Variants in UBAC2 observed in about 807,000 individuals in gnomAD.
The protein encoded by UBAC2 is UBA domain containing 2, also known as ubiquitin-associated domain-containing protein 2.
UBAC2 carries 26 observed loss-of-function variants against 44.0 expected under a neutral mutation model. That is an observed-to-expected ratio of 0.59 (90% CI 0.43 to 0.82). The LOEUF (loss-of-function observed/expected upper bound fraction) is 0.82. Ranked by LOEUF, UBAC2 falls within the 40% of genes least tolerant of loss-of-function variation. The pLI, the probability that UBAC2 is intolerant of heterozygous loss-of-function variation, is 0.00. For missense variants in UBAC2, 329 were observed against 419.4 expected (o/e 0.78, Z 1.88); for synonymous variants, 155 against 154.3 (o/e 1.00, Z -0.04).
intron 7 of UBAC2, among the ~76,000 whole-genome samples, chr13:99,343,385 T>G (rs2138837893): frequency 6.7e-6 from 1 of 150,170 alleles, no homozygotes; most frequent in African/African-American, 2.4e-5. Context: ...TCCCCCCAGA[T>G]ACTTGGAACA....
chr13:99,346,292 C>T (rs1322595168), intron 7 of UBAC2, among the ~76,000 whole-genome samples: 29 of 152,192 alleles, frequency 1.9e-4, no homozygotes, highest in Admixed American at 1.8e-3. Context: ...TCTTCCCTCC[C>T]ATCTCCATCA....
chr13:99,204,708 C>T (rs2042847226), intron 1 of UBAC2, among the ~76,000 whole-genome samples: 1 of 151,964 alleles, frequency 6.6e-6, no homozygotes, highest in African/African-American at 2.4e-5. Flanking sequence ...CCCCCCAGAA[C>T]CTTTCCAGAA....
chr13:99,255,182 T>A (rs369995186), intron 4 of UBAC2: 2 of 1,614,144 alleles, frequency 1.2e-6, no homozygotes. Context: ...ATGATCCTTA[T>A]GGACTTCTCC....
At chr13:99,264,383 G>A (rs1364869128) in intron 4 of UBAC2, among the ~76,000 whole-genome samples, 2 of 152,214 alleles carry the variant, frequency 1.3e-5, no homozygotes, top group East Asian at 3.8e-4. Context: ...GGATTTTCTG[G>A]CATGCTGTAC....
intron 7 of UBAC2, among the ~76,000 whole-genome samples, chr13:99,354,243 G>A (rs2045141982): frequency 6.6e-6 from 1 of 152,212 alleles, no homozygotes; most frequent in Non-Finnish European, 1.5e-5. Flanking sequence ...TGAGCAGTGT[G>A]AGCCGGGTGA....
chr13:99,203,023 T>TTTTATTTTA (rs1555317917), intron 1 of UBAC2, among the ~76,000 whole-genome samples: 3 of 146,522 alleles, frequency 2.0e-5, no homozygotes, highest in East Asian at 2.0e-4. Flanking sequence ...CTTTGTTTTA[T>TTTTATTTTA]TTTATTTATT....
intron 2 of UBAC2, among the ~76,000 whole-genome samples, chr13:99,240,710 C>T (rs777382001): frequency 6.6e-6 from 1 of 152,092 alleles, no homozygotes. Flanking sequence ...ACTGTTTCTC[C>T]TTGAGCCCAG....
At chr13:99,233,111 GT>G in intron 1 of UBAC2, among the ~76,000 whole-genome samples, 1 of 150,766 alleles carries the variant, frequency 6.6e-6, no homozygotes, top group Non-Finnish European at 1.5e-5. Context: ...CCCAGATTTG[GT>G]TTCTTTTTTT....
At chr13:99,346,338 C>G (rs1185504658) in intron 7 of UBAC2, among the ~76,000 whole-genome samples, 1 of 152,188 alleles carries the variant, frequency 6.6e-6, no homozygotes, top group Non-Finnish European at 1.5e-5. Context: ...CCCACAGCCT[C>G]CACCAGTGAT....
chr13:99,213,284 A>T (rs1238957671), intron 1 of UBAC2, among the ~76,000 whole-genome samples: 2 of 151,882 alleles, frequency 1.3e-5, no homozygotes, highest in African/African-American at 4.8e-5. Flanking sequence ...CGAACTCCTA[A>T]CCTCAGGTGA....
intron 6 of UBAC2, among the ~76,000 whole-genome samples, chr13:99,328,707 T>C (rs1298285988): frequency 6.6e-6 from 1 of 152,242 alleles, no homozygotes; most frequent in Non-Finnish European, 1.5e-5. Flanking sequence ...TCTAACTGAC[T>C]TAAAATAATT....
In UBAC2 at chr13:99,386,035, C is replaced by T. The variant is rs962905425; in HGVS notation, c.*700C>T. ...GATGGAGAAGAACAACAGCAGGCTT[C>T]CTGGAGCCACATGGGCTGACTAGGG... On this transcript the variant is annotated 3_prime_UTR_variant, in exon 9 of 9. Transcript: ENST00000403766. 1 of 152,358 alleles carries T rather than the reference C, an allele frequency of 6.6e-6. No homozygotes were observed. Among genetic ancestry groups the T allele is most frequent in the African/African-American group, 2.4e-5 (1 of 41,452 alleles). The allele number at this position is 152,358 out of a possible 1,614,324, so 9.4% of individuals were successfully genotyped here.
intron 1 of UBAC2, among the ~76,000 whole-genome samples, chr13:99,231,227 T>C (rs1267977543): frequency 6.6e-6 from 1 of 152,168 alleles, no homozygotes; most frequent in Non-Finnish European, 1.5e-5. Flanking sequence ...GGGGAGCCAG[T>C]ATTCTATCAC....
chr13:99,257,006 C>T (rs998030581), intron 4 of UBAC2, among the ~76,000 whole-genome samples: 7 of 152,132 alleles, frequency 4.6e-5, no homozygotes, highest in African/African-American at 7.2e-5. Flanking sequence ...AGTGGCATCA[C>T]GGGCTATTGA....
At chr13:99,239,254 G>C (rs1475919465) in intron 2 of UBAC2, among the ~76,000 whole-genome samples, 5 of 152,166 alleles carry the variant, frequency 3.3e-5, no homozygotes, top group East Asian at 3.9e-4. Context: ...CCAACTTACT[G>C]TGCAGGTCTT....
chr13:99,290,940 G>A (rs1026731896), intron 4 of UBAC2, among the ~76,000 whole-genome samples: 2 of 152,054 alleles, frequency 1.3e-5, no homozygotes, highest in Non-Finnish European at 2.9e-5. Flanking sequence ...ATGTGGTGAT[G>A]GGGAGATGTC....
rs551954870 is a variant in UBAC2 at position 99,324,422 on chromosome 13, G to T, written c.561+6353G>T. ...TCCCCTTTGCCATGAGAAAAGCAGGGCCCGGAGAGGGGCAGCTCCTCAGAC... is the reference window on the plus strand; with the variant it reads ...TCCCCTTTGCCATGAGAAAAGCAGGTCCCGGAGAGGGGCAGCTCCTCAGAC... On this transcript the variant is annotated intron_variant, in intron 6 of 8. Coordinates refer to ENST00000403766, the MANE Select transcript of UBAC2 (RefSeq NM_001144072.2). Among the ~76,000 whole-genome samples, 8 of 152,306 alleles carry T rather than the reference G, an allele frequency of 5.3e-5. No homozygotes were observed. The South Asian group carries it at 1.7e-3, about 32-fold the overall frequency.
intron 7 of UBAC2, among the ~76,000 whole-genome samples, chr13:99,361,921 G>A (rs139553483): frequency 7.2e-5 from 11 of 152,236 alleles, no homozygotes; most frequent in African/African-American, 2.2e-4. Context: ...GCTTGGGTCC[G>A]GGAGTTCAGG....
rs750548697 is a variant in UBAC2, at chr13:99,367,769, G to A, written c.808-18G>A. 1.2e-6 allele frequency: 2 copies of A among 1,613,916 alleles called. No individual in the cohort carries two copies. The highest frequency in any genetic ancestry group is 2.2e-5 in the South Asian group (2 of 91,072). Reference sequence around the variant, plus strand: ...TGCTCCTTCTGTGTCTGATAACTGTGTGTTGATCTCTTTTTAGGGAGGAAT... The same window carrying A: ...TGCTCCTTCTGTGTCTGATAACTGTATGTTGATCTCTTTTTAGGGAGGAAT... On this transcript the variant is annotated intron_variant, in intron 7 of 8. Transcript: ENST00000403766.
Sources: gnomAD v4.1 joint callset for allele counts (sites outside exome capture counted in the v4.1 genomes callset) on GRCh38, gnomAD v4.1.1 for gene constraint, MANE v1.5 for transcripts, NCBI Gene and HGNC (gene_info 2026-07-23, HGNC 2026-07-21) for gene names.